TDRD1: variants seen among roughly 807,000 people sequenced by gnomAD.
The protein encoded by TDRD1 is tudor domain-containing protein 1.
In TDRD1, 37 loss-of-function variants were observed where a neutral mutation model predicts 140.6. The observed-to-expected ratio is 0.26, with a 90% CI of 0.20 to 0.35. The LOEUF is 0.35. Among genes scored for constraint, TDRD1 ranks in the 10% least tolerant of loss-of-function variants. The pLI, the probability that TDRD1 is intolerant of heterozygous loss-of-function variation, is 1.00. For missense variants in TDRD1, 1,243 were observed against 1,393.0 expected (o/e 0.89, Z 1.71); for synonymous variants, 506 against 475.7 (o/e 1.06, Z -0.83).
intron 18 of TDRD1, among the ~76,000 whole-genome samples, chr10:114,219,660 T>C (rs2036027095): frequency 6.6e-6 from 1 of 151,530 alleles, no homozygotes; most frequent in African/African-American, 2.4e-5. Flanking sequence ...CAATCTCGGC[T>C]CACTGCAACC....
intron 19 of TDRD1, 38 bp downstream of exon 19, chr10:114,220,881 A>T (rs769871519): frequency 1.3e-6 from 2 of 1,491,882 alleles, no homozygotes; most frequent in Admixed American, 3.6e-5. Context: ...TAAATTTGTT[A>T]TTCTTTGCTC....
In TDRD1 at chr10:114,228,550, A is replaced by G. The variant is rs188169380; in HGVS notation, c.3538+425A>G. The G allele has an allele frequency of 4.8e-4, 473 of 990,806 alleles. 4 individuals are homozygous for G. In the African/African-American group the frequency reaches 7.9e-3, roughly 17 times the overall value. The allele number at this position is 990,806 out of a possible 1,614,324, so 61.4% of individuals were successfully genotyped here. ...TTTTGCGAGGGGTATCTAAAGGGCC[A>G]AGAACGGAAAGTGGATCTAAAGGGC... is the stretch of plus-strand genomic sequence containing the variant. On this transcript the variant is annotated intron_variant, in intron 25 of 25. Transcript: ENST00000251864.
intron 25 of TDRD1, chr10:114,228,643 G>C (rs768257949): frequency 4.1e-6 from 4 of 985,378 alleles, no homozygotes; most frequent in Non-Finnish European, 4.8e-6. Context: ...CCCTGCTTTT[G>C]GCTGTGGTGA....
At chr10:114,213,658 G>T (rs2133085854) in intron 15 of TDRD1, 70 bp downstream of exon 15, 3 of 1,380,236 alleles carry the variant, frequency 2.2e-6, no homozygotes. Flanking sequence ...ATAGTTTCTT[G>T]TACTTATAAA....
intron 16 of TDRD1, among the ~76,000 whole-genome samples, chr10:114,216,893 T>C (rs2035845193): frequency 6.6e-6 from 1 of 152,208 alleles, no homozygotes; most frequent in South Asian, 2.1e-4. Context: ...TTGCTTTTCT[T>C]TTACTACTAC....
intron 5 of TDRD1, among the ~76,000 whole-genome samples, chr10:114,201,923 A>G (rs558201108): frequency 6.6e-6 from 1 of 152,366 alleles, no homozygotes; most frequent in South Asian, 2.1e-4. Context: ...AATTCTGTGT[A>G]AGTAATGTAG....
At chr10:114,178,867 CAAAA>C (rs11285127), upstream of TDRD1, among the ~76,000 whole-genome samples, 1 of 102,666 alleles carries the variant, frequency 9.7e-6, no homozygotes. Context: ...AGTTCCATAG[CAAAA>C]AAAAAAAAAA....
chr10:114,231,390 A>G, intron 25 of TDRD1: 1 of 1,038,218 alleles, frequency 9.6e-7, no homozygotes, highest in Non-Finnish European at 1.5e-6. Context: ...TTCAGTTAAA[A>G]GTGAATATTT....
intron 11 of TDRD1, among the ~76,000 whole-genome samples, chr10:114,209,646 A>G (rs1177845134): frequency 6.6e-6 from 1 of 152,162 alleles, no homozygotes; most frequent in Non-Finnish European, 1.5e-5. Context: ...AACTTCAACA[A>G]TCGATTGTAA....
intron 2 of TDRD1, among the ~76,000 whole-genome samples, chr10:114,188,876 GAA>G (rs34349007): frequency 0.23 from 24,960 of 107,142 alleles, 2,488 homozygotes; most frequent in Middle Eastern, 0.35. Flanking sequence ...AAAACAAAAT[GAA>G]AAAAAAAAAA....
upstream of TDRD1, among the ~76,000 whole-genome samples, chr10:114,177,006 A>G (rs761661304): frequency 2.9e-4 from 44 of 152,216 alleles, no homozygotes; most frequent in Non-Finnish European, 4.6e-4. Flanking sequence ...ACAGAAACCA[A>G]CTGAAAGAGC....
intron 8 of TDRD1, 90 bp from the exon 9 acceptor site, chr10:114,203,983 T>C: frequency 4.1e-6 from 6 of 1,481,282 alleles, no homozygotes; most frequent in Non-Finnish European, 5.5e-6. Context: ...AGCCTTTCCT[T>C]TGCACGTTCT....
At chr10:114,201,002 C>T (rs1015699361) in intron 4 of TDRD1, among the ~76,000 whole-genome samples, 2 of 151,480 alleles carry the variant, frequency 1.3e-5, no homozygotes, top group African/African-American at 2.4e-5. Flanking sequence ...TACAGGTGCC[C>T]GTCACCATGC....
rs1185147372 is a variant in TDRD1, at chr10:114,226,223, A to G, written c.3175+7A>G. On this transcript the variant is annotated splice_region_variant and intron_variant, in intron 22 of 25. Transcript: ENST00000251864. Reference sequence around the variant, plus strand: ...ATTAGATGTTCACTTGAAGGTAGACAGCTAAGTCACTTTCCAATTTAGGTT... The same window carrying G: ...ATTAGATGTTCACTTGAAGGTAGACGGCTAAGTCACTTTCCAATTTAGGTT... 2 of 1,592,010 alleles carry G rather than the reference A, an allele frequency of 1.3e-6. No homozygotes were observed. Among genetic ancestry groups the G allele is most frequent in the East Asian group, 2.2e-5 (1 of 44,720 alleles).
At chr10:114,219,405 T>A (rs900283487) in intron 18 of TDRD1, among the ~76,000 whole-genome samples, 1 of 152,274 alleles carries the variant, frequency 6.6e-6, no homozygotes, top group African/African-American at 2.4e-5. Flanking sequence ...AACTTTATAA[T>A]AGAATATATA....
At chr10:114,226,275 T>A in intron 22 of TDRD1, 59 bp downstream of exon 22, 1 of 1,245,874 alleles carries the variant, frequency 8.0e-7, no homozygotes, top group Middle Eastern at 1.9e-4. Flanking sequence ...TTCCTCTTTA[T>A]GTTTCATAGC....
At chr10:114,217,704 A>G (rs768996374) in intron 17 of TDRD1, 49 bp downstream of exon 17, 7 of 976,608 alleles carry the variant, frequency 7.2e-6, no homozygotes, top group African/African-American at 1.7e-5. Flanking sequence ...TATATTTCTT[A>G]ACTTAACCTT....
At chr10:114,213,046 AG>A (rs2035588452) in intron 14 of TDRD1, among the ~76,000 whole-genome samples, 1 of 152,270 alleles carries the variant, frequency 6.6e-6, no homozygotes, top group South Asian at 2.1e-4. Flanking sequence ...TACATATTAT[AG>A]AAGCTTTTTA....
chr10:114,228,109 G>GA lies in TDRD1; in HGVS notation c.3528dup (p.Leu1177ThrfsTer11). On this transcript the variant is annotated frameshift_variant, in exon 25 of 26. Transcript: ENST00000251864. LOFTEE classifies it high-confidence loss of function. ...CCAATCAAAATAAATTTATTGAAAT[G>GA]AAAAAACTGTTAAAAAGTTAAGTAA... The GA allele has an allele frequency of 4.4e-6, 7 of 1,595,568 alleles. No individual in the cohort carries two copies. The highest frequency in any genetic ancestry group is 6.0e-6 in the Non-Finnish European group (7 of 1,170,588).
Sources: gnomAD v4.1 joint callset for allele counts (sites outside exome capture counted in the v4.1 genomes callset) on GRCh38, gnomAD v4.1.1 for gene constraint, MANE v1.5 for transcripts, NCBI Gene and HGNC (gene_info 2026-07-23, HGNC 2026-07-21) for gene names.